CTNNA2: variants seen among roughly 807,000 people sequenced by gnomAD.
CTNNA2 encodes catenin alpha 2.
A neutral mutation model predicts 101.0 loss-of-function variants in CTNNA2; 42 were observed. That is an observed-to-expected ratio of 0.42 (90% CI 0.32 to 0.54). CTNNA2 has a LOEUF of 0.54. Among genes scored for constraint, CTNNA2 ranks in the 20% least tolerant of loss-of-function variants. CTNNA2 has a pLI of 0.14. For missense variants in CTNNA2, 871 were observed against 1,223.1 expected, an observed-to-expected ratio of 0.71 and a Z score of 4.29; for synonymous variants, 450 against 456.4, an observed-to-expected ratio of 0.99 and a Z score of 0.18.
At chr2:80,625,048 C>T (rs1671544266) in intron 18 of CTNNA2, among the ~76,000 whole-genome samples, 1 of 151,784 alleles carries the variant, frequency 6.6e-6, no homozygotes, top group African/African-American at 2.4e-5. Flanking sequence ...AAATGCCAAG[C>T]AGAGAACAGC....
chr2:80,161,920 G>T (rs1245319816), intron 7 of CTNNA2, among the ~76,000 whole-genome samples: 9 of 152,058 alleles, frequency 5.9e-5, no homozygotes, highest in Non-Finnish European at 1.2e-4. Flanking sequence ...TAAAGCTCAA[G>T]AGCATGTCAC....
At chr2:80,356,010 G>C (rs1221013819) in intron 7 of CTNNA2, among the ~76,000 whole-genome samples, 1 of 151,850 alleles carries the variant, frequency 6.6e-6, no homozygotes, top group Non-Finnish European at 1.5e-5. Flanking sequence ...CCACCTGCTG[G>C]ATCCCTCTTT....
At chr2:80,025,873 C>T (rs1694894933) in intron 7 of CTNNA2, among the ~76,000 whole-genome samples, 1 of 152,176 alleles carries the variant, frequency 6.6e-6, no homozygotes, top group Non-Finnish European at 1.5e-5. Context: ...TGAGTTTCTG[C>T]TCAAGGTGCT....
rs1673954451 is a variant in CTNNA2, at chr2:80,276,911, C to G, written c.1057-116300C>G. ...TCCAAACCACATCACAAAGTTAGCCCAGACCCCACAGGTTGAAGACAAAGT... is the reference window on the plus strand; with the variant it reads ...TCCAAACCACATCACAAAGTTAGCCGAGACCCCACAGGTTGAAGACAAAGT... On this transcript the variant is annotated intron_variant, in intron 7 of 18. Transcript: ENST00000402739. Among the ~76,000 whole-genome samples, 4 of 152,068 alleles carry G rather than the reference C, an allele frequency of 2.6e-5. No homozygotes were observed. In the South Asian group the frequency reaches 8.3e-4, roughly 32 times the overall value.
intron 7 of CTNNA2, among the ~76,000 whole-genome samples, chr2:80,368,495 T>C (rs1399570913): frequency 7.3e-6 from 1 of 137,246 alleles, no homozygotes; most frequent in Non-Finnish European, 1.5e-5. Context: ...ACAGATGCCA[T>C]TTTTTTTTTA....
At chr2:79,874,999 T>G (rs1433291370) in intron 6 of CTNNA2, among the ~76,000 whole-genome samples, 1 of 152,156 alleles carries the variant, frequency 6.6e-6, no homozygotes, top group African/African-American at 2.4e-5. Context: ...TGCCATCAAT[T>G]TCTTTGTTTT....
chr2:79,297,034 T>A lies in CTNNA2; in HGVS notation c.-405-15675T>A, dbSNP rs930180238. On this transcript the variant is annotated intron_variant, in intron 2 of 21. Coordinates refer to the CTNNA2 transcript ENST00000466387. ...TTTCATATCATTCAACCATTTCTGATTTGTCCCCATGTATCATTGATACTG... is the reference window on the plus strand; with the variant it reads ...TTTCATATCATTCAACCATTTCTGAATTGTCCCCATGTATCATTGATACTG... 2.0e-5 allele frequency among the ~76,000 whole-genome samples: 3 copies of A among 152,220 alleles called. No individual in the cohort carries two copies. The East Asian group carries it at 5.8e-4, about 30-fold the overall frequency.
At chr2:79,940,897 G>A (rs1688111731) in intron 7 of CTNNA2, among the ~76,000 whole-genome samples, 2 of 152,296 alleles carry the variant, frequency 1.3e-5, no homozygotes, top group South Asian at 4.2e-4. Context: ...GATTTCTACT[G>A]AATGCATATT....
intron 3 of CTNNA2, among the ~76,000 whole-genome samples, chr2:79,366,777 A>G (rs992659530): frequency 4.6e-5 from 7 of 152,228 alleles, no homozygotes; most frequent in Non-Finnish European, 8.8e-5. Context: ...ACTAACATCC[A>G]TTCCTGTGAG....
intron 12 of CTNNA2, among the ~76,000 whole-genome samples, chr2:80,566,811 A>G (rs41511244): frequency 0.018 from 2,707 of 152,312 alleles, 81 homozygotes; most frequent in African/African-American, 0.058. Context: ...TGTGCATGCC[A>G]AAGGGAATAA....
Position 79,290,599 on chromosome 2 carries a change from C to T in CTNNA2, c.-405-22110C>T, listed in dbSNP as rs1443713043. 2.0e-5 allele frequency among the ~76,000 whole-genome samples: 3 copies of T among 152,142 alleles called. No homozygotes were observed. The South Asian group carries it at 6.2e-4, about 32-fold the overall frequency. On this transcript the variant is annotated intron_variant, in intron 2 of 21. Transcript: ENST00000466387. ...AGGAACACACCAGCAGAAGAACACA[C>T]AAGCGGCTGGACATCGAGAGGAATG...
At chr2:80,292,997 G>A (rs1675399078) in intron 7 of CTNNA2, among the ~76,000 whole-genome samples, 2 of 152,168 alleles carry the variant, frequency 1.3e-5, no homozygotes, top group East Asian at 1.9e-4. Flanking sequence ...CAGCAAAGCA[G>A]TGCTGCTGCA....
intron 1 of CTNNA2, among the ~76,000 whole-genome samples, chr2:79,524,150 TATTTA>T (rs1335918678): frequency 6.6e-6 from 1 of 152,056 alleles, no homozygotes; most frequent in Non-Finnish European, 1.5e-5. Flanking sequence ...GTTAGTATTA[TATTTA>T]ATTTAAGATA....
At chr2:79,880,648 G>T (rs184936409) in intron 6 of CTNNA2, among the ~76,000 whole-genome samples, 1 of 152,168 alleles carries the variant, frequency 6.6e-6, no homozygotes, top group East Asian at 1.9e-4. Context: ...GTATTTCTGT[G>T]GGGTCAATGG....
chr2:80,146,717 T>TG (rs1703363072), intron 7 of CTNNA2, among the ~76,000 whole-genome samples: 1 of 82,008 alleles, frequency 1.2e-5, no homozygotes, highest in Non-Finnish European at 2.3e-5. Context: ...CTGGTTTTTT[T>TG]TTTTTTTTTT....
intron 2 of CTNNA2, among the ~76,000 whole-genome samples, chr2:79,261,531 G>T (rs1674921528): frequency 6.6e-6 from 1 of 152,204 alleles, no homozygotes; most frequent in Non-Finnish European, 1.5e-5. Context: ...AGATCAAGGT[G>T]CCAGGAGGCT....
intron 1 of CTNNA2, among the ~76,000 whole-genome samples, chr2:79,601,251 A>G (rs973552141): frequency 6.6e-6 from 1 of 152,186 alleles, no homozygotes; most frequent in Non-Finnish European, 1.5e-5. Flanking sequence ...ATAACCCAAG[A>G]TAAGCACTTC....
At chr2:80,230,409 T>G (rs2149072630) in intron 7 of CTNNA2, among the ~76,000 whole-genome samples, 1 of 152,214 alleles carries the variant, frequency 6.6e-6, no homozygotes. Flanking sequence ...TTCATTATTA[T>G]AAATCAGTAT....
chr2:79,969,471 G>A (rs903876788), intron 7 of CTNNA2, among the ~76,000 whole-genome samples: 15 of 152,180 alleles, frequency 9.9e-5, no homozygotes, highest in Non-Finnish European at 1.5e-4. Flanking sequence ...TTTCAATAAC[G>A]CGGTTAAAAG....
Sources: gnomAD v4.1 joint callset for allele counts (sites outside exome capture counted in the v4.1 genomes callset) on GRCh38, gnomAD v4.1.1 for gene constraint, MANE v1.5 for transcripts, NCBI Gene and HGNC (gene_info 2026-07-23, HGNC 2026-07-21) for gene names.